ZNF536: variants seen among roughly 807,000 people sequenced by gnomAD.
The protein encoded by ZNF536 is zinc finger protein 536.
Under a neutral mutation model 84.5 loss-of-function variants are expected in ZNF536, and 13 were observed. The ratio of observed to expected loss-of-function variants is 0.15; its 90% CI spans 0.10 to 0.24. ZNF536 has a LOEUF of 0.24. Ranked by LOEUF, ZNF536 falls within the 10% of genes least tolerant of loss-of-function variation. The pLI is 1.00. For synonymous variants in ZNF536, 811 were observed against 742.5 expected (o/e 1.09, Z -1.50); for missense variants, 1,536 against 1,747.5 (o/e 0.88, Z 2.16).
chr19:30,419,742 C>T (rs889337871), intron 1 of ZNF536, among the ~76,000 whole-genome samples: 1 of 152,194 alleles, frequency 6.6e-6, no homozygotes, highest in African/African-American at 2.4e-5. Flanking sequence ...CAGCACGCTC[C>T]GTCTCCTGAT....
At chr19:30,701,706 C>T (rs78226082) in intron 1 of ZNF536, among the ~76,000 whole-genome samples, 2,604 of 152,266 alleles carry the variant, frequency 0.017, 78 homozygotes, top group African/African-American at 0.056. Flanking sequence ...GGTGGAGAGA[C>T]GAGCATTCTT....
chr19:30,578,656 C>T (rs996954429), intron 1 of ZNF536, among the ~76,000 whole-genome samples: 2 of 152,234 alleles, frequency 1.3e-5, no homozygotes, highest in Admixed American at 1.3e-4. Context: ...TCACGTGCAT[C>T]TTTTGAGCTC....
At chr19:30,229,300 C>G (rs1169571397) in intron 1 of ZNF536, among the ~76,000 whole-genome samples, 1 of 151,950 alleles carries the variant, frequency 6.6e-6, no homozygotes, top group African/African-American at 2.4e-5. Context: ...GAGAGATTGA[C>G]AATTCTGTTG....
intron 1 of ZNF536, among the ~76,000 whole-genome samples, chr19:30,602,028 G>A (rs1326283025): frequency 6.6e-6 from 1 of 152,242 alleles, no homozygotes. Flanking sequence ...CTCCAGGCAG[G>A]AGATTCAAGC....
intron 2 of ZNF536, among the ~76,000 whole-genome samples, chr19:30,334,970 T>G (rs2047334107): frequency 6.6e-6 from 1 of 152,202 alleles, no homozygotes; most frequent in Non-Finnish European, 1.5e-5. Flanking sequence ...CAGGCGGGAA[T>G]GCTCGCTCAC....
At chr19:30,547,105 C>A (rs1385324176) in intron 3 of ZNF536, among the ~76,000 whole-genome samples, 1 of 152,036 alleles carries the variant, frequency 6.6e-6, no homozygotes, top group Non-Finnish European at 1.5e-5. Context: ...ATTTTACTAC[C>A]GGAGCATTAG....
intron 1 of ZNF536, among the ~76,000 whole-genome samples, chr19:30,241,404 A>G (rs969433712): frequency 1.3e-5 from 2 of 152,210 alleles, no homozygotes; most frequent in African/African-American, 4.8e-5. Context: ...GAAACAGGGT[A>G]TGAGGATACA....
At chr19:30,545,865 G>T (rs1019562819) in intron 3 of ZNF536, among the ~76,000 whole-genome samples, 2 of 152,076 alleles carry the variant, frequency 1.3e-5, no homozygotes, top group Non-Finnish European at 2.9e-5. Flanking sequence ...TTTCTCTATG[G>T]CCCCTTTGCC....
chr19:30,533,616 G>A lies in ZNF536; in HGVS notation c.2171-1231G>A, dbSNP rs113231927. ...CTGTTAGCAGAGAACACCAGGAACA[G>A]ACGTTGAGGAATAAAAGCAGTTTGC... On this transcript the variant is annotated intron_variant, in intron 2 of 4. Coordinates refer to ENST00000355537, the MANE Select transcript of ZNF536 (RefSeq NM_014717.3). Among the ~76,000 whole-genome samples the A allele has an allele frequency of 6.9e-3, 1,052 of 152,330 alleles. 10 individuals carry two copies. The highest frequency in any genetic ancestry group is 0.024 in the African/African-American group (980 of 41,564).
chr19:30,274,610 C>A (rs993612295), intron 1 of ZNF536, among the ~76,000 whole-genome samples: 4 of 152,100 alleles, frequency 2.6e-5, no homozygotes, highest in African/African-American at 9.7e-5. Context: ...TTTTTTCTTT[C>A]CAACTTTTAT....
chr19:30,395,679 C>T (rs954306529), intron 1 of ZNF536, among the ~76,000 whole-genome samples: 2 of 152,166 alleles, frequency 1.3e-5, no homozygotes, highest in African/African-American at 4.8e-5. Context: ...CTTCATGTGG[C>T]TGAGTCTGAG....
At chr19:30,634,337 C>T (rs143373113) in intron 1 of ZNF536, among the ~76,000 whole-genome samples, 4 of 152,340 alleles carry the variant, frequency 2.6e-5, no homozygotes, top group Admixed American at 2.6e-4. Flanking sequence ...GGTCGACGCT[C>T]AGCCAGTCAT....
chr19:30,244,665 G>C (rs1421079346), intron 1 of ZNF536, among the ~76,000 whole-genome samples: 1 of 152,210 alleles, frequency 6.6e-6, no homozygotes, highest in African/African-American at 2.4e-5. Context: ...ATTGCCAGCT[G>C]TCTTTGCTCC....
At chr19:30,429,042 T>C (rs943103436) in intron 1 of ZNF536, among the ~76,000 whole-genome samples, 2 of 152,128 alleles carry the variant, frequency 1.3e-5, no homozygotes, top group Admixed American at 6.5e-5. Context: ...TGAGGCCACA[T>C]GGCTACCTGG....
chr19:30,548,134 A>T lies in ZNF536; in HGVS notation c.2515A>T (p.Arg839Trp), dbSNP rs2146184905. 2.5e-6 allele frequency: 4 copies of T among 1,614,046 alleles called. No homozygotes were observed. Among genetic ancestry groups the T allele is most frequent in the Non-Finnish European group, 2.5e-6 (3 of 1,179,970 alleles). ...TCTGTTCATCAGGCCAGACATCCTG[A>T]GGGGGGCCTTCAAGGGTCTCCCTGG... ...ASLFIRPDILRGAFKGLPGID... is the reference protein window; with the variant it reads ...ASLFIRPDILWGAFKGLPGID... Residue 839 changes from arginine (R) to tryptophan (W), a missense_variant, in exon 4 of 5, where the codon AGG becomes TGG. Around this residue, in one of 8 missense-constraint regions of ZNF536, gnomAD observed 624 missense variants for 603.1 expected, o/e 1.03. Coordinates refer to ENST00000355537, the MANE Select transcript of ZNF536 (RefSeq NM_014717.3).
intron 1 of ZNF536, among the ~76,000 whole-genome samples, chr19:30,389,249 C>T (rs894763444): frequency 5.3e-5 from 8 of 152,124 alleles, no homozygotes; most frequent in African/African-American, 1.4e-4. Context: ...AGGGGGTATG[C>T]GGAAGGCCAA....
intron 2 of ZNF536, among the ~76,000 whole-genome samples, chr19:30,344,809 A>T (rs1294435823): frequency 6.6e-6 from 1 of 151,846 alleles, no homozygotes; most frequent in East Asian, 1.9e-4. Context: ...AAGAGAAGGG[A>T]CTCCCAAGGT....
intron 1 of ZNF536, among the ~76,000 whole-genome samples, chr19:30,406,986 C>T (rs892539422): frequency 3.3e-5 from 5 of 152,306 alleles, no homozygotes; most frequent in African/African-American, 1.2e-4. Context: ...GCAATCATGT[C>T]GGGTCCCACC....
chr19:30,414,433 A>G (rs1476243780), intron 1 of ZNF536, among the ~76,000 whole-genome samples: 2 of 152,164 alleles, frequency 1.3e-5, no homozygotes, highest in African/African-American at 4.8e-5. Flanking sequence ...ATCATGGCAT[A>G]TGAAGTTTTC....
Sources: allele counts gnomAD v4.1 joint callset (sites outside exome capture counted in the v4.1 genomes callset), GRCh38; gene constraint gnomAD v4.1.1; regional missense constraint gnomAD v4.1.1; transcripts MANE v1.5; gene names NCBI Gene and HGNC (gene_info 2026-07-23, HGNC 2026-07-21).